Variants in CEP112 observed in about 807,000 individuals in gnomAD.
CEP112 encodes centrosomal protein 112, also known as centrosomal protein of 112 kDa.
Under a neutral mutation model 153.0 loss-of-function variants are expected in CEP112, and 127 were observed. The ratio of observed to expected loss-of-function variants is 0.83; its 90% confidence interval spans 0.72 to 0.96. CEP112 has a LOEUF of 0.96. Ranked by LOEUF, CEP112 falls within the 40% of genes least tolerant of loss-of-function variation. The pLI is 0.00. For missense variants in CEP112, 1,089 were observed against 1,101.2 expected, an observed-to-expected ratio of 0.99 and a Z score of 0.16; for synonymous variants, 358 against 374.4, an observed-to-expected ratio of 0.96 and a Z score of 0.51.
chr17:66,016,405 G>T (rs532334275), intron 16 of CEP112, among the ~76,000 whole-genome samples: 1 of 152,094 alleles, frequency 6.6e-6, no homozygotes, highest in African/African-American at 2.4e-5. Context: ...CTTCTATTAC[G>T]TGTCTCTAAG....
rs1168722264 is a variant in CEP112, at chr17:66,177,008, C to T, written c.119G>A (p.Cys40Tyr). The T allele has an allele frequency of 6.2e-7, 1 of 1,609,440 alleles. No individual in the cohort carries two copies. The highest frequency in any genetic ancestry group is 2.2e-5 in the East Asian group (1 of 44,828). Reference sequence around the variant, plus strand: ...GCACAGCTTTCTAATCCAAAGAGCACACCTCTGCCGTTCTATAAATACAGA... The same window carrying T: ...GCACAGCTTTCTAATCCAAAGAGCATACCTCTGCCGTTCTATAAATACAGA... ...KLPHRTERQRCALWIRKLCEP... is the reference protein window; with the variant it reads ...KLPHRTERQRYALWIRKLCEP... Residue 40 changes from cysteine (C) to tyrosine (Y), a missense_variant, in exon 3 of 27, where the codon TGT becomes TAT. Cys to Tyr is a radical substitution (Grantham distance 194). Transcript: ENST00000535342.
chr17:65,929,651 C>G (rs1568244562), intron 18 of CEP112, among the ~76,000 whole-genome samples: 4 of 151,864 alleles, frequency 2.6e-5, no homozygotes, highest in Admixed American at 1.3e-4. Flanking sequence ...TAATGTCTCT[C>G]CTGCAGTGTA....
chr17:65,920,607 G>C (rs1402530171), intron 19 of CEP112, among the ~76,000 whole-genome samples: 3 of 150,730 alleles, frequency 2.0e-5, no homozygotes, highest in Non-Finnish European at 4.4e-5. Flanking sequence ...TACAAACAGA[G>C]AGATATGCAA....
chr17:66,183,221 AGGGC>A lies in CEP112; in HGVS notation c.75_78del (p.Lys25AsnfsTer4), dbSNP rs900727514. 1 of 1,608,382 alleles carries A rather than the reference AGGGC, an allele frequency of 6.2e-7. No individual in the cohort carries two copies. The highest frequency in any genetic ancestry group is 1.3e-5 in the African/African-American group (1 of 74,780). ...GTCCTATGAGGTAATTTTAGAACAA[AGGGC>A]TTCATATCAACCACAAAGTGATCAA... On this transcript the variant is annotated frameshift_variant, in exon 2 of 27. Coordinates refer to ENST00000535342, the MANE Select transcript of CEP112 (RefSeq NM_001199165.4). LOFTEE classifies it high-confidence loss of function.
intron 6 of CEP112, among the ~76,000 whole-genome samples, chr17:66,120,884 C>G (rs948308541): frequency 1.3e-5 from 2 of 151,918 alleles, no homozygotes; most frequent in Non-Finnish European, 1.5e-5. Context: ...TTTCCTTCAT[C>G]TGCTTACTTT....
rs186171371 is a variant in CEP112, at chr17:65,912,384, A to G, written c.1981-10050T>C. On this transcript the variant is annotated intron_variant, in intron 19 of 26. Transcript: ENST00000535342. ...GGAGGCAGCTCAGTTCCATAGCAGCATCTCCTACTGTCGGCCCCGGAATAC... is the reference window on the plus strand; with the variant it reads ...GGAGGCAGCTCAGTTCCATAGCAGCGTCTCCTACTGTCGGCCCCGGAATAC... Among the ~76,000 whole-genome samples the G allele has an allele frequency of 4.6e-3, 705 of 152,226 alleles. 8 individuals are homozygous for G. The highest frequency in any genetic ancestry group is 0.016 in the African/African-American group (671 of 41,530).
intron 8 of CEP112, among the ~76,000 whole-genome samples, chr17:66,093,464 A>G (rs2068221611): frequency 6.6e-6 from 1 of 152,094 alleles, no homozygotes; most frequent in African/African-American, 2.4e-5. Flanking sequence ...TGCTGGAACT[A>G]ATAAATGAAT....
chr17:65,668,226 C>T (rs1772396698), intron 24 of CEP112, among the ~76,000 whole-genome samples: 1 of 152,094 alleles, frequency 6.6e-6, no homozygotes, highest in Non-Finnish European at 1.5e-5. Context: ...GGGACCTACT[C>T]CATTTCAATA....
intron 21 of CEP112, among the ~76,000 whole-genome samples, chr17:65,783,331 T>C (rs1299536879): frequency 1.3e-5 from 2 of 152,204 alleles, no homozygotes; most frequent in Non-Finnish European, 1.5e-5. Context: ...CTCTCCTAGA[T>C]TGTTGACAAA....
rs906420916 is a variant in CEP112, at chr17:65,698,005, C to T, written c.2608-8787G>A. Among the ~76,000 whole-genome samples, 114 of 151,984 alleles carry T rather than the reference C, an allele frequency of 7.5e-4. 1 individual carries two copies. Among genetic ancestry groups the T allele is most frequent in the Non-Finnish European group, 1.4e-3 (94 of 68,000 alleles). ...TCAGGTTTTCAGTTTTTTTTCACAT[C>T]CAAGCAACACTTATTTTTTGTTCAG... On this transcript the variant is annotated intron_variant, in intron 23 of 26. Transcript: ENST00000535342.
chr17:66,048,421 A>G (rs1340291789), intron 12 of CEP112, among the ~76,000 whole-genome samples: 3 of 152,220 alleles, frequency 2.0e-5, no homozygotes, highest in African/African-American at 7.2e-5. Context: ...CTGGGAAAAA[A>G]AAGTTATCCA....
rs777844271 is a variant in CEP112 at position 65,916,289 on chromosome 17, G to GTGTGTGTGTGTGTA, written c.1980+11292_1980+11293insTACACACACACACA. Among the ~76,000 whole-genome samples the GTGTGTGTGTGTGTA allele has an allele frequency of 6.0e-3, 881 of 147,120 alleles. 1 individual carries two copies. The highest frequency in any genetic ancestry group is 0.014 in the Middle Eastern group (4 of 286). ...TGTGTGTGTGTGTGTGTGTGTGTGT[G>GTGTGTGTGTGTGTA]TGTATGTGTGGTAGGAGTAGTGGTG... On this transcript the variant is annotated intron_variant, in intron 19 of 26. Coordinates refer to ENST00000535342, the MANE Select transcript of CEP112 (RefSeq NM_001199165.4).
At chr17:65,943,026 T>C (rs1014339665) in intron 18 of CEP112, among the ~76,000 whole-genome samples, 3 of 152,184 alleles carry the variant, frequency 2.0e-5, no homozygotes, top group African/African-American at 4.8e-5. Flanking sequence ...GACAGATACA[T>C]AGATATGAAT....
chr17:65,783,280 T>A (rs2054098342), intron 21 of CEP112, among the ~76,000 whole-genome samples: 1 of 152,176 alleles, frequency 6.6e-6, no homozygotes, highest in Non-Finnish European at 1.5e-5. Flanking sequence ...ATGATGATGA[T>A]GAGAATAACA....
At chr17:65,746,617 CTACT>C (rs2051488345) in intron 22 of CEP112, among the ~76,000 whole-genome samples, 1 of 152,144 alleles carries the variant, frequency 6.6e-6, no homozygotes, top group Admixed American at 6.5e-5. Flanking sequence ...AGAAAATGGA[CTACT>C]TTCTCCTTAG....
chr17:65,719,513 C>A (rs955536346), intron 23 of CEP112, among the ~76,000 whole-genome samples: 6 of 152,248 alleles, frequency 3.9e-5, no homozygotes, highest in Middle Eastern at 3.4e-3. Flanking sequence ...ACCCTGGAGG[C>A]AGAGGTTGTA....
intron 20 of CEP112, among the ~76,000 whole-genome samples, chr17:65,856,434 A>G (rs1415605284): frequency 6.6e-6 from 1 of 152,222 alleles, no homozygotes; most frequent in Non-Finnish European, 1.5e-5. Context: ...CACATACTGT[A>G]TCATCTCAAA....
chr17:65,687,953 G>A (rs1401838819), intron 24 of CEP112, among the ~76,000 whole-genome samples: 1 of 152,110 alleles, frequency 6.6e-6, no homozygotes. Flanking sequence ...ATCAATATTA[G>A]CAACGCTACA....
chr17:65,822,430 A>T (rs1275436246), intron 21 of CEP112, among the ~76,000 whole-genome samples: 2 of 152,212 alleles, frequency 1.3e-5, no homozygotes, highest in African/African-American at 4.8e-5. Context: ...ACTGTAAAAC[A>T]TCTCTAGAGT....
Sources: allele counts gnomAD v4.1 joint callset (sites outside exome capture counted in the v4.1 genomes callset), GRCh38; gene constraint gnomAD v4.1.1; transcripts MANE v1.5; gene names NCBI Gene and HGNC (gene_info 2026-07-23, HGNC 2026-07-21).